Variants in CEP295 observed in about 807,000 individuals in gnomAD.
CEP295 encodes centrosomal protein 295.
CEP295 carries 190 observed loss-of-function variants against 291.6 expected under a neutral mutation model. That is an observed-to-expected ratio of 0.65 (90% confidence interval 0.58 to 0.73). The LOEUF is 0.73. Ranked by LOEUF, CEP295 falls within the 30% of genes least tolerant of loss-of-function variation. The probability of loss-of-function intolerance (pLI) is 0.00; values close to 1 mark genes in which losing one functional copy is unlikely to be tolerated. For synonymous variants in CEP295, 993 were observed against 1,038.8 expected (o/e 0.96, Z 0.85); for missense variants, 2,863 against 2,949.4 (o/e 0.97, Z 0.68).
Position 93,696,308 on chromosome 11 carries a change from G to C in CEP295, c.1672-12G>C. ...AATTTGCTTTTTAATTAGTAACTTT[G>C]TCTTTTATTAGGTTGGCATTGCTCC... On this transcript the variant is annotated splice_polypyrimidine_tract_variant and intron_variant, in intron 13 of 29. Coordinates refer to ENST00000325212, the MANE Select transcript of CEP295 (RefSeq NM_033395.2). 6.6e-7 allele frequency: 1 copy of C among 1,511,192 alleles called. No individual in the cohort carries two copies. Among genetic ancestry groups the C allele is most frequent in the Non-Finnish European group, 9.0e-7 (1 of 1,116,450 alleles). The allele number at this position is 1,511,192 out of a possible 1,614,324, so 93.6% of individuals were successfully genotyped here.
At chr11:93,710,912 A>T (rs1369893807) in intron 18 of CEP295, among the ~76,000 whole-genome samples, 1 of 152,178 alleles carries the variant, frequency 6.6e-6, no homozygotes, top group Non-Finnish European at 1.5e-5. Context: ...TGCTAATAGT[A>T]GTCTCTAACG....
At chr11:93,696,449 G>T in intron 14 of CEP295, 32 bp downstream of exon 14, 1 of 1,302,858 alleles carries the variant, frequency 7.7e-7, no homozygotes, top group Non-Finnish European at 1.1e-6. Flanking sequence ...ATATGTGATC[G>T]TATGTGGCTA....
At chr11:93,718,235 T>C (rs1185645232) in intron 18 of CEP295, among the ~76,000 whole-genome samples, 1 of 152,222 alleles carries the variant, frequency 6.6e-6, no homozygotes, top group African/African-American at 2.4e-5. Context: ...TTTAGAAAGG[T>C]CTGTCTTGTT....
chr11:93,662,183 G>T (rs779405564), intron 1 of CEP295, among the ~76,000 whole-genome samples: 1 of 152,198 alleles, frequency 6.6e-6, no homozygotes, highest in African/African-American at 2.4e-5. Context: ...GCTCTCTTTT[G>T]GTGTCTGCCA....
intron 7 of CEP295, among the ~76,000 whole-genome samples, chr11:93,680,293 A>G (rs1267012770): frequency 6.6e-6 from 1 of 152,118 alleles, no homozygotes; most frequent in Admixed American, 6.6e-5. Context: ...AAAAAAATTA[A>G]ATAAAAAGTG....
chr11:93,671,114 C>T (rs532115553), intron 5 of CEP295, among the ~76,000 whole-genome samples: 1 of 152,252 alleles, frequency 6.6e-6, no homozygotes, highest in African/African-American at 2.4e-5. Flanking sequence ...AACTCCTGAC[C>T]TCAGATGATC....
At chr11:93,665,517 GGCCA>G (rs1950168463) in intron 1 of CEP295, among the ~76,000 whole-genome samples, 1 of 152,112 alleles carries the variant, frequency 6.6e-6, no homozygotes, top group African/African-American at 2.4e-5. Flanking sequence ...AGGCCAGTCT[GGCCA>G]ACATGGTGAA....
chr11:93,687,663 C>T lies in CEP295; in HGVS notation c.1134C>T (p.Thr378=), dbSNP rs1353894524. Residue 378 remains threonine (T), a synonymous_variant, in exon 10 of 30, where the codon ACC becomes ACT. Coordinates refer to ENST00000325212, the MANE Select transcript of CEP295 (RefSeq NM_033395.2). ...TTTTAGTTCCCTTGGTAATGAAGACCCAACAGATTCCTTCAAAAGTTCTTT... is the reference window on the plus strand; with the variant it reads ...TTTTAGTTCCCTTGGTAATGAAGACTCAACAGATTCCTTCAAAAGTTCTTT... ...SETDVPLVMK[T]QQIPSKVLFK... is the part of the protein sequence containing the mutation. The T allele has an allele frequency of 6.6e-7, 1 of 1,526,572 alleles. No individual in the cohort carries two copies. Among genetic ancestry groups the T allele is most frequent in the Non-Finnish European group, 8.9e-7 (1 of 1,129,478 alleles). 94.6% of individuals were successfully genotyped at this position (1,526,572 alleles called of 1,614,324 possible). A position where few individuals can be genotyped will look rare whatever the true frequency, so the allele number is the denominator to read the frequency against.
At position 93,699,756 on chromosome 11, in the gene CEP295, A is replaced by G; in HGVS notation, c.4844A>G (p.Tyr1615Cys). ...AQLDAQREVMYSYEKPQEELS... is the reference protein window; with the variant it reads ...AQLDAQREVMCSYEKPQEELS... Reference sequence around the variant, plus strand: ...TTGGATGCACAAAGGGAAGTGATGTATTCTTATGAGAAACCCCAGGAAGAA... The same window carrying G: ...TTGGATGCACAAAGGGAAGTGATGTGTTCTTATGAGAAACCCCAGGAAGAA... Residue 1615 changes from tyrosine to cysteine, a missense_variant, in exon 15 of 30, where the codon TAT becomes TGT. Tyr to Cys is a radical substitution (Grantham distance 194). Around this residue, in one of 3 missense-constraint regions of CEP295, gnomAD observed 2,295 missense variants for 2,335.7 expected, o/e 0.98. Transcript: ENST00000325212. 1.3e-6 allele frequency: 2 copies of G among 1,552,058 alleles called. No individual in the cohort carries two copies. The highest frequency in any genetic ancestry group is 1.7e-6 in the Non-Finnish European group (2 of 1,147,068).
At chr11:93,716,302 C>T (rs1953236430) in intron 18 of CEP295, among the ~76,000 whole-genome samples, 1 of 152,182 alleles carries the variant, frequency 6.6e-6, no homozygotes, top group Non-Finnish European at 1.5e-5. Context: ...CTGAGCTCTC[C>T]TTCCCCCAAG....
intron 14 of CEP295, 80 bp downstream of exon 14, chr11:93,696,497 TAA>T (rs1484115685): frequency 9.1e-7 from 1 of 1,095,830 alleles, no homozygotes; most frequent in Non-Finnish European, 1.3e-6. Flanking sequence ...TATGAGGATC[TAA>T]TTTGGATTTC....
At chr11:93,679,319 G>A in intron 6 of CEP295, 93 bp from the exon 7 acceptor site, 1 of 1,035,486 alleles carries the variant, frequency 9.7e-7, no homozygotes. Context: ...TTTTATATAT[G>A]TAGAAAACAT....
chr11:93,694,847 C>G (rs1420626485), intron 12 of CEP295, among the ~76,000 whole-genome samples: 1 of 152,204 alleles, frequency 6.6e-6, no homozygotes, highest in African/African-American at 2.4e-5. Flanking sequence ...ACCACAAAAG[C>G]TAAATTGCAG....
intron 6 of CEP295, among the ~76,000 whole-genome samples, chr11:93,678,028 T>G (rs1383720751): frequency 6.6e-6 from 1 of 152,172 alleles, no homozygotes; most frequent in East Asian, 1.9e-4. Flanking sequence ...TAACTTTTTC[T>G]CTAACCCTTT....
At chr11:93,673,894 G>C (rs1950562326) in intron 5 of CEP295, among the ~76,000 whole-genome samples, 1 of 151,782 alleles carries the variant, frequency 6.6e-6, no homozygotes, top group South Asian at 2.1e-4. Context: ...AAACTACTCA[G>C]ATAATTCTGC....
rs1951902141 is a variant in CEP295 at position 93,697,497 on chromosome 11, A to G, written c.2585A>G (p.Gln862Arg). Residue 862 changes from glutamine to arginine, a missense_variant, in exon 15 of 30, where the codon CAG becomes CGG. Transcript: ENST00000325212. The part of the protein sequence containing the change: ...EQLDLQKKVL[Q>R]ATQEAQEQLL... ...TTAGACCTACAGAAGAAAGTTCTTC[A>G]GGCAACTCAGGAAGCTCAGGAACAG... is the stretch of plus-strand genomic sequence containing the variant. 6.4e-7 allele frequency: 1 copy of G among 1,551,840 alleles called. No individual in the cohort carries two copies. The highest frequency in any genetic ancestry group is 8.7e-7 in the Non-Finnish European group (1 of 1,147,024).
intron 5 of CEP295, among the ~76,000 whole-genome samples, chr11:93,670,705 C>T (rs753774599): frequency 6.6e-6 from 1 of 152,212 alleles, no homozygotes; most frequent in African/African-American, 2.4e-5. Context: ...TTCAGTCACT[C>T]CTTCGGTACA....
chr11:93,674,364 T>G (rs1435745771), intron 5 of CEP295, among the ~76,000 whole-genome samples: 2 of 152,186 alleles, frequency 1.3e-5, no homozygotes, highest in Admixed American at 1.3e-4. Context: ...CAACCTATTC[T>G]TATTTAAACT....
chr11:93,721,601 A>G (rs1230874302), intron 19 of CEP295, 189 bp downstream of exon 19: 1 of 756,032 alleles, frequency 1.3e-6, no homozygotes. Context: ...TACCTGATGC[A>G]TGATCTCTAC....
Sources: gnomAD v4.1 joint callset for allele counts (sites outside exome capture counted in the v4.1 genomes callset) on GRCh38, gnomAD v4.1.1 for gene constraint, gnomAD v4.1.1 regional missense constraint, MANE v1.5 for transcripts, NCBI Gene and HGNC (gene_info 2026-07-23, HGNC 2026-07-21) for gene names.